The following PCDH9 variants were observed in gnomAD, a reference collection of about 807,000 sequenced individuals.
The protein encoded by PCDH9 is protocadherin-9.
Under a neutral mutation model 70.6 loss-of-function variants are expected in PCDH9, and 24 were observed. That is an observed-to-expected ratio of 0.34 (90% CI 0.25 to 0.48). The LOEUF is 0.48. PCDH9 is among the 20% of genes least tolerant of loss of function. The pLI, the probability that PCDH9 is intolerant of heterozygous loss-of-function variation, is 0.99. For missense variants in PCDH9, 1,281 were observed against 1,503.6 expected, an observed-to-expected ratio of 0.85 and a Z score of 2.45; for synonymous variants, 562 against 558.5, an observed-to-expected ratio of 1.01 and a Z score of -0.09.
intron 3 of PCDH9, among the ~76,000 whole-genome samples, chr13:66,842,409 G>C (rs1273916786): frequency 6.6e-6 from 1 of 152,120 alleles, no homozygotes; most frequent in African/African-American, 2.4e-5. Flanking sequence ...GCATTGAACA[G>C]AAAAGTGTAA....
At chr13:66,659,431 G>A (rs998823855) in intron 3 of PCDH9, among the ~76,000 whole-genome samples, 5 of 152,124 alleles carry the variant, frequency 3.3e-5, no homozygotes, top group African/African-American at 1.2e-4. Flanking sequence ...GGGAGGACCA[G>A]TGCTCCAAGT....
chr13:66,701,155 G>A (rs905756214), intron 3 of PCDH9, among the ~76,000 whole-genome samples: 1 of 151,398 alleles, frequency 6.6e-6, no homozygotes, highest in Non-Finnish European at 1.5e-5. Context: ...CCATTTATAT[G>A]AGGAAGAGCA....
chr13:66,879,065 G>A lies in PCDH9; in HGVS notation c.3138+24439C>T, dbSNP rs769924041. ...AACAGTGAAGCTCTTATGTGTGAAA[G>A]GTATGCTTCTCTTATGGAGTAGACA... On this transcript the variant is annotated intron_variant, in intron 3 of 4. Transcript: ENST00000377865. Among the ~76,000 whole-genome samples, 8 of 152,084 alleles carry A rather than the reference G, an allele frequency of 5.3e-5. No homozygotes were observed. The South Asian group carries it at 1.4e-3, about 28-fold the overall frequency.
intron 3 of PCDH9, among the ~76,000 whole-genome samples, chr13:66,862,343 AGT>A (rs2081497722): frequency 6.6e-6 from 1 of 152,208 alleles, no homozygotes; most frequent in Non-Finnish European, 1.5e-5. Flanking sequence ...ATATGTCTAT[AGT>A]GTGTGGGTGT....
intron 2 of PCDH9, among the ~76,000 whole-genome samples, chr13:67,105,770 A>G (rs2138252968): frequency 6.6e-6 from 1 of 152,116 alleles, no homozygotes; most frequent in South Asian, 2.1e-4. Context: ...AATTGCTTAA[A>G]TGTGTAATAC....
intron 4 of PCDH9, among the ~76,000 whole-genome samples, chr13:66,433,205 C>T (rs1235800725): frequency 3.9e-5 from 6 of 151,954 alleles, no homozygotes; most frequent in Non-Finnish European, 1.5e-5. Flanking sequence ...ATGAGACTAA[C>T]TTGCAATAGC....
chr13:66,812,753 A>G (rs1303882793), intron 3 of PCDH9, among the ~76,000 whole-genome samples: 1 of 152,186 alleles, frequency 6.6e-6, no homozygotes, highest in African/African-American at 2.4e-5. Context: ...TACAGAAGAG[A>G]AAATAAAGTT....
intron 2 of PCDH9, among the ~76,000 whole-genome samples, chr13:66,976,116 G>GA (rs2083614551): frequency 6.6e-6 from 1 of 151,906 alleles, no homozygotes; most frequent in African/African-American, 2.4e-5. Flanking sequence ...TGTCCTTTGA[G>GA]GAAAAAAATA....
intron 2 of PCDH9, among the ~76,000 whole-genome samples, chr13:67,087,566 C>A (rs562581192): frequency 1.3e-5 from 2 of 152,198 alleles, no homozygotes; most frequent in Admixed American, 6.6e-5. Flanking sequence ...CCTCCATGAA[C>A]GGCAGCACAT....
chr13:66,944,271 A>T (rs1312542120), intron 2 of PCDH9, among the ~76,000 whole-genome samples: 1 of 152,114 alleles, frequency 6.6e-6, no homozygotes, highest in Non-Finnish European at 1.5e-5. Flanking sequence ...GCAACTATCT[A>T]TTTAACTTTA....
intron 2 of PCDH9, chr13:66,985,568 T>C (rs2083874914): frequency 6.6e-6 from 1 of 152,054 alleles, no homozygotes; most frequent in South Asian, 2.1e-4. Flanking sequence ...TATCAAAGTT[T>C]ATGGGCTATA....
At chr13:66,726,751 A>G (rs1443058317) in intron 3 of PCDH9, among the ~76,000 whole-genome samples, 1 of 152,204 alleles carries the variant, frequency 6.6e-6, no homozygotes, top group Non-Finnish European at 1.5e-5. Context: ...ACGATTCTTG[A>G]AGTGCAGTAT....
In PCDH9 at chr13:66,508,475, C is replaced by T. The variant is rs577080091; in HGVS notation, c.3340+122735G>A. 7.2e-4 allele frequency among the ~76,000 whole-genome samples: 110 copies of T among 152,288 alleles called. 2 individuals are homozygous for T. The South Asian group carries it at 0.023, about 31-fold the overall frequency. On this transcript the variant is annotated intron_variant, in intron 4 of 4. Transcript: ENST00000377865. ...AATATTGTGCTAGTCAGATAACAGA[C>T]ATTGAATTCTTCACTCTTGTGTTGC...
chr13:66,377,283 G>A (rs1956766207), intron 4 of PCDH9, among the ~76,000 whole-genome samples: 1 of 152,050 alleles, frequency 6.6e-6, no homozygotes, highest in African/African-American at 2.4e-5. Context: ...AGAAGCACCT[G>A]GGGGGCTTGT....
chr13:66,400,234 A>G (rs973893893), intron 4 of PCDH9, among the ~76,000 whole-genome samples: 4 of 152,254 alleles, frequency 2.6e-5, no homozygotes, highest in Non-Finnish European at 5.9e-5. Flanking sequence ...TCTAATAATC[A>G]GCTAAATATA....
chr13:67,102,486 C>G (rs560000925), intron 2 of PCDH9, among the ~76,000 whole-genome samples: 2 of 151,828 alleles, frequency 1.3e-5, no homozygotes, highest in African/African-American at 4.8e-5. Flanking sequence ...TACTAAATAA[C>G]AAAAGTCAAA....
intron 4 of PCDH9, among the ~76,000 whole-genome samples, chr13:66,600,765 CGT>C (rs10579707): frequency 0.1 from 13,249 of 132,930 alleles, 1,590 homozygotes; most frequent in East Asian, 0.2. Flanking sequence ...TAATTAAGAA[CGT>C]GTGTGTGTGT....
At chr13:67,118,641 C>T (rs752088955) in intron 2 of PCDH9, among the ~76,000 whole-genome samples, 1 of 152,104 alleles carries the variant, frequency 6.6e-6, no homozygotes, top group Non-Finnish European at 1.5e-5. Context: ...CATACACATA[C>T]ACCTTTAAAT....
intron 3 of PCDH9, among the ~76,000 whole-genome samples, chr13:66,681,769 A>T (rs1000073008): frequency 1.3e-5 from 2 of 151,966 alleles, no homozygotes; most frequent in Admixed American, 1.3e-4. Context: ...TCTCTGCTGT[A>T]ACAGTTTGAT....
Sources: gnomAD v4.1 joint callset for allele counts (sites outside exome capture counted in the v4.1 genomes callset) on GRCh38, gnomAD v4.1.1 for gene constraint, MANE v1.5 for transcripts, NCBI Gene and HGNC (gene_info 2026-07-23, HGNC 2026-07-21) for gene names.